The following DICER1 variants were observed in gnomAD, a reference collection of about 807,000 sequenced individuals.
The protein encoded by DICER1 is dicer 1, ribonuclease III, also known as endoribonuclease Dicer.
In DICER1, 43 loss-of-function variants were observed where a neutral mutation model predicts 194.1. The observed-to-expected ratio is 0.22, with a 90% CI of 0.17 to 0.29. The LOEUF (loss-of-function observed/expected upper bound fraction) is 0.29, where lower values mean the gene tolerates loss of function less well. Among genes scored for constraint, DICER1 ranks in the 10% least tolerant of loss-of-function variants. DICER1 has a pLI of 1.00. For synonymous variants in DICER1, 832 were observed against 820.5 expected, an observed-to-expected ratio of 1.01 and a Z score of -0.24; for missense variants, 1,608 against 2,317.0, an observed-to-expected ratio of 0.69 and a Z score of 6.28.
chr14:95,104,242 T>G, intron 20 of DICER1, 116 bp from the exon 21 acceptor site: 1 of 863,522 alleles, frequency 1.2e-6, no homozygotes, highest in East Asian at 2.6e-5. Flanking sequence ...CTCCTAAACT[T>G]TAGAATAGAA....
intron 17 of DICER1, 119 bp downstream of exon 17, chr14:95,107,489 A>T: frequency 1.1e-6 from 1 of 944,408 alleles, no homozygotes; most frequent in Non-Finnish European, 1.7e-6. Context: ...TGACCTCATG[A>T]TCTGCCCGCC....
chr14:95,118,751 A>C (rs180672144), intron 8 of DICER1, among the ~76,000 whole-genome samples: 260 of 152,302 alleles, frequency 1.7e-3, no homozygotes, highest in African/African-American at 5.9e-3. Context: ...CATATTACAT[A>C]GTATAAATTC....
Position 95,104,025 on chromosome 14 carries a change from T to G in DICER1, c.3371A>C (p.His1124Pro), listed in dbSNP as rs534996867. ...SSAENDNYCK[H>P]STIVPENAAH... ...AGCATTTTCAGGGACAATTGTGCTG[T>G]GCTTACAGTAATTATCATTTTCAGC... The change falls in exon 21 of 27, where the codon CAC (histidine) becomes CCC (proline). Residue 1124 changes from histidine (H) to proline (P), a missense_variant. Physicochemically the swap from His to Pro is moderately conservative, Grantham distance 77. Coordinates refer to ENST00000343455, the MANE Select transcript of DICER1 (RefSeq NM_177438.3). The G allele has an allele frequency of 4.3e-6, 7 of 1,614,170 alleles. No individual in the cohort carries two copies. In the South Asian group the frequency reaches 7.7e-5, roughly 18 times the overall value.
chr14:95,142,320 T>C (rs1894872557), intron 1 of DICER1, among the ~76,000 whole-genome samples: 1 of 152,132 alleles, frequency 6.6e-6, no homozygotes, highest in Admixed American at 6.5e-5. Context: ...AGATTACAGG[T>C]GTGAGCCACT....
At chr14:95,112,306 A>T (rs1237271263) in intron 12 of DICER1, 59 bp from the exon 13 acceptor site, 2 of 1,332,468 alleles carry the variant, frequency 1.5e-6, no homozygotes, top group African/African-American at 2.9e-5. Context: ...CCTCTAGCAC[A>T]TGAAACACCT....
At chr14:95,131,363 G>T in intron 4 of DICER1, 146 bp downstream of exon 4, 1 of 747,692 alleles carries the variant, frequency 1.3e-6, no homozygotes, top group Non-Finnish European at 2.3e-6. Flanking sequence ...GTAAGATATA[G>T]TACATCAGGA....
chr14:95,104,230 T>A, intron 20 of DICER1, 104 bp from the exon 21 acceptor site: 1 of 961,364 alleles, frequency 1.0e-6, no homozygotes. Flanking sequence ...CCCAAAAATG[T>A]ACTCCTAAAC....
Position 95,116,719 on chromosome 14 carries a change from A to C in DICER1, c.1510-24T>G, listed in dbSNP as rs577737109. The C allele has an allele frequency of 1.1e-5, 18 of 1,612,760 alleles. No individual in the cohort carries two copies. The African/African-American group carries it at 1.3e-4, about 12-fold the overall frequency. On this transcript the variant is annotated intron_variant, in intron 9 of 26. Transcript: ENST00000343455. Reference sequence around the variant, plus strand: ...ACCTGAAAAAAAAAATCCACCAAGAAAAGCACTTCTAAGAAAATTTCTAAA... The same window carrying C: ...ACCTGAAAAAAAAAATCCACCAAGACAAGCACTTCTAAGAAAATTTCTAAA...
In DICER1 at chr14:95,096,125, G is replaced by A. The variant is rs587778230; in HGVS notation, c.4795C>T (p.Arg1599Trp). 29 of 1,614,056 alleles carry A rather than the reference G, an allele frequency of 1.8e-5. No homozygotes were observed. The highest frequency in any genetic ancestry group is 2.2e-5 in the East Asian group (1 of 44,896). Reference sequence around the variant, plus strand: ...CGAGTAGGGCACAGGGCCTTTTCCCGATCAGTCCTTTTAATTACCGGGAGC... The same window carrying A: ...CGAGTAGGGCACAGGGCCTTTTCCCAATCAGTCCTTTTAATTACCGGGAGC... ...KVLPVIKRTD[R>W]EKALCPTREN... The change falls in exon 23 of 27, where the codon CGG becomes TGG. Residue 1599 changes from arginine to tryptophan, a missense_variant. Around this residue, in one of 10 missense-constraint regions of DICER1, gnomAD observed 125 missense variants for 134.9 expected, o/e 0.93. Transcript: ENST00000343455.
At chr14:95,119,767 T>A (rs1463072399) in intron 8 of DICER1, among the ~76,000 whole-genome samples, 1 of 152,198 alleles carries the variant, frequency 6.6e-6, no homozygotes, top group Non-Finnish European at 1.5e-5. Context: ...TTCATAAAAG[T>A]GAATGACTAA....
chr14:95,130,577 CTAAA>C (rs1815620532), intron 4 of DICER1, among the ~76,000 whole-genome samples: 2 of 152,184 alleles, frequency 1.3e-5, no homozygotes, highest in African/African-American at 4.8e-5. Context: ...AAAACTCAGA[CTAAA>C]TGTTATTTTT....
Position 95,140,257 on chromosome 14 carries a change from A to G in DICER1, c.-45-6754T>C, listed in dbSNP as rs148229489. 3.7e-3 allele frequency among the ~76,000 whole-genome samples: 557 copies of G among 152,276 alleles called. 3 individuals are homozygous for G. Among genetic ancestry groups the G allele is most frequent in the Non-Finnish European group, 4.5e-3 (306 of 67,994 alleles). On this transcript the variant is annotated intron_variant, in intron 1 of 26. Transcript: ENST00000343455. ...ACTTAGAAATACAGTCATGCACCCA[A>G]TAACAATGTTTTAGAGACTGACCCC...
chr14:95,134,720 A>C (rs1040940014), intron 1 of DICER1, among the ~76,000 whole-genome samples: 34 of 152,236 alleles, frequency 2.2e-4, no homozygotes, highest in African/African-American at 2.4e-5. Context: ...TATCTCAAGT[A>C]AGCAGTGCAG....
intron 1 of DICER1, among the ~76,000 whole-genome samples, chr14:95,151,586 T>C (rs1387602425): frequency 6.6e-6 from 1 of 152,214 alleles, no homozygotes; most frequent in Non-Finnish European, 1.5e-5. Context: ...ATATGCCCAG[T>C]GCTCATCGGC....
At chr14:95,094,835 GAT>G (rs1364677496) in intron 23 of DICER1, among the ~76,000 whole-genome samples, 2 of 152,180 alleles carry the variant, frequency 1.3e-5, no homozygotes, top group East Asian at 3.8e-4. Flanking sequence ...TTCTCACAGT[GAT>G]TAAAATAATA....
chr14:95,090,970 T>C (rs1889751108), intron 26 of DICER1, 64 bp downstream of exon 26: 1 of 1,436,956 alleles, frequency 7.0e-7, no homozygotes, highest in South Asian at 1.2e-5. Context: ...TACAATATCT[T>C]TGTGAACTTT....
chr14:95,156,557 G>C (rs982863267), intron 1 of DICER1, among the ~76,000 whole-genome samples: 1 of 152,212 alleles, frequency 6.6e-6, no homozygotes, highest in Non-Finnish European at 1.5e-5. Flanking sequence ...ACAGAAATCT[G>C]ATGTGCTAAC....
At chr14:95,104,727 A>C (rs925359421) in intron 20 of DICER1, among the ~76,000 whole-genome samples, 11 of 152,256 alleles carry the variant, frequency 7.2e-5, no homozygotes, top group Non-Finnish European at 1.0e-4. Flanking sequence ...TTTAGAATGC[A>C]GAGATTTTAC....
chr14:95,143,676 C>T (rs1045973520), intron 1 of DICER1, among the ~76,000 whole-genome samples: 5 of 152,120 alleles, frequency 3.3e-5, no homozygotes, highest in Non-Finnish European at 7.4e-5. Flanking sequence ...TCTGTCTTTG[C>T]CATCCCTTTA....
Sources: gnomAD v4.1 joint callset for allele counts (sites outside exome capture counted in the v4.1 genomes callset) on GRCh38, gnomAD v4.1.1 for gene constraint, gnomAD v4.1.1 regional missense constraint, MANE v1.5 for transcripts, NCBI Gene and HGNC (gene_info 2026-07-23, HGNC 2026-07-21) for gene names.